DLGAP2: variants seen among roughly 807,000 people sequenced by gnomAD.
DLGAP2 encodes the protein disks large-associated protein 2.
DLGAP2 carries 26 observed loss-of-function variants against 100.3 expected under a neutral mutation model. The ratio of observed to expected loss-of-function variants is 0.26; its 90% CI spans 0.19 to 0.36. DLGAP2 has a LOEUF of 0.36. DLGAP2 is among the 10% of genes least tolerant of loss of function. DLGAP2 has a pLI of 1.00. For synonymous variants in DLGAP2, 886 were observed against 630.1 expected (o/e 1.41, Z -6.08); for missense variants, 1,858 against 1,453.2 (o/e 1.28, Z -4.53).
chr8:1,372,329 A>C (rs148902251), intron 3 of DLGAP2, among the ~76,000 whole-genome samples: 1 of 151,454 alleles, frequency 6.6e-6, no homozygotes, highest in Non-Finnish European at 1.5e-5. Flanking sequence ...TGCTGCCAAC[A>C]CTAGGACACT....
chr8:1,537,812 G>A (rs940226985), intron 4 of DLGAP2, among the ~76,000 whole-genome samples: 5 of 152,134 alleles, frequency 3.3e-5, no homozygotes, highest in Non-Finnish European at 4.4e-5. Flanking sequence ...GATGGATGGA[G>A]TAAATGTCAT....
chr8:1,354,238 G>A (rs574048949), intron 3 of DLGAP2, among the ~76,000 whole-genome samples: 2 of 152,328 alleles, frequency 1.3e-5, no homozygotes, highest in African/African-American at 4.8e-5. Context: ...AGGCACGGTG[G>A]CTCAAACCTG....
intron 3 of DLGAP2, among the ~76,000 whole-genome samples, chr8:1,307,095 G>A (rs1237611590): frequency 6.6e-6 from 1 of 151,984 alleles, no homozygotes; most frequent in Non-Finnish European, 1.5e-5. Context: ...TGAATGAAAG[G>A]GATGGAATGG....
At chr8:1,552,324 A>G (rs1801797661) in intron 5 of DLGAP2, among the ~76,000 whole-genome samples, 1 of 152,154 alleles carries the variant, frequency 6.6e-6, no homozygotes, top group Non-Finnish European at 1.5e-5. Context: ...AGCTTCCCCC[A>G]TCCCCACATC....
At chr8:996,322 A>G (rs1384390420) in intron 2 of DLGAP2, among the ~76,000 whole-genome samples, 2 of 152,194 alleles carry the variant, frequency 1.3e-5, no homozygotes, top group East Asian at 1.9e-4. Context: ...TAGAGACTAC[A>G]GAGCTCTTCT....
At chr8:1,357,996 C>T (rs1024976335) in intron 3 of DLGAP2, among the ~76,000 whole-genome samples, 1 of 152,172 alleles carries the variant, frequency 6.6e-6, no homozygotes. Flanking sequence ...AGAGCTGTCT[C>T]AGGACTCCTT....
At chr8:1,261,655 G>C (rs1799353144) in intron 3 of DLGAP2, among the ~76,000 whole-genome samples, 1 of 152,238 alleles carries the variant, frequency 6.6e-6, no homozygotes, top group Non-Finnish European at 1.5e-5. Flanking sequence ...CCGTGTTTCA[G>C]ATGTACGAGT....
At chr8:1,063,846 A>T (rs1302674399) in intron 2 of DLGAP2, among the ~76,000 whole-genome samples, 1 of 152,164 alleles carries the variant, frequency 6.6e-6, no homozygotes, top group Non-Finnish European at 1.5e-5. Flanking sequence ...TAGTGTTAAA[A>T]TGGTGTCTGT....
At position 1,624,736 on chromosome 8, in the gene DLGAP2, C is replaced by T. The variant is rs989429875; in HGVS notation, c.1443-2004C>T. Reference sequence around the variant, plus strand: ...TCCCCACATCTGCAGCAGAGCTGCCCGTCCCACTGCCCAGGTGCAGCGGGA... The same window carrying T: ...TCCCCACATCTGCAGCAGAGCTGCCTGTCCCACTGCCCAGGTGCAGCGGGA... On this transcript the variant is annotated intron_variant, in intron 6 of 14. Transcript: ENST00000637795. 3.9e-5 allele frequency among the ~76,000 whole-genome samples: 6 copies of T among 151,960 alleles called. No individual in the cohort carries two copies. In the East Asian group the frequency reaches 5.8e-4, roughly 15 times the overall value.
At chr8:1,103,310 C>T (rs1804646551) in intron 2 of DLGAP2, among the ~76,000 whole-genome samples, 1 of 152,110 alleles carries the variant, frequency 6.6e-6, no homozygotes, top group Non-Finnish European at 1.5e-5. Flanking sequence ...TTCTCAGAGT[C>T]GTATGGCCTT....
chr8:863,243 C>T (rs1361231314), intron 1 of DLGAP2, among the ~76,000 whole-genome samples: 1 of 152,186 alleles, frequency 6.6e-6, no homozygotes, highest in Non-Finnish European at 1.5e-5. Context: ...TCTGGACATG[C>T]TCTGCACCAG....
chr8:1,377,342 A>G (rs1004875169), intron 3 of DLGAP2, among the ~76,000 whole-genome samples: 3 of 152,260 alleles, frequency 2.0e-5, no homozygotes, highest in Non-Finnish European at 2.9e-5. Context: ...CAGGAGATCG[A>G]GACCATCCTG....
intron 2 of DLGAP2, among the ~76,000 whole-genome samples, chr8:1,251,822 G>A (rs906357310): frequency 2.0e-5 from 3 of 152,178 alleles, no homozygotes; most frequent in African/African-American, 4.8e-5. Flanking sequence ...ACTGTTGCAC[G>A]GCCATGTCCT....
chr8:1,324,681 T>A (rs1800980747), intron 3 of DLGAP2, among the ~76,000 whole-genome samples: 1 of 152,224 alleles, frequency 6.6e-6, no homozygotes, highest in South Asian at 2.1e-4. Context: ...TTGAGCCATG[T>A]CCTTTTCAGC....
In DLGAP2 at chr8:1,676,652, C is replaced by T. The variant is rs368932884; in HGVS notation, c.2288+34C>T. The T allele has an allele frequency of 4.2e-5, 67 of 1,582,926 alleles. 1 individual carries two copies. The highest frequency in any genetic ancestry group is 5.2e-5 in the Non-Finnish European group (61 of 1,163,718). On this transcript the variant is annotated intron_variant, in intron 11 of 14. Coordinates refer to ENST00000637795, the MANE Select transcript of DLGAP2 (RefSeq NM_001346810.2). ...GCCCCTCCTGACACGCGGTGACCCCCGAGCGAGGGCTCTTTGTCAAAGGCC... is the reference window on the plus strand; with the variant it reads ...GCCCCTCCTGACACGCGGTGACCCCTGAGCGAGGGCTCTTTGTCAAAGGCC...
At chr8:883,711 C>T (rs745867366) in intron 1 of DLGAP2, among the ~76,000 whole-genome samples, 1 of 151,862 alleles carries the variant, frequency 6.6e-6, no homozygotes, top group Non-Finnish European at 1.5e-5. Flanking sequence ...GCGTGTGCCG[C>T]GGCCGTTCGT....
intron 8 of DLGAP2, among the ~76,000 whole-genome samples, chr8:1,649,733 C>T (rs1249865513): frequency 3.9e-5 from 6 of 152,168 alleles, no homozygotes; most frequent in African/African-American, 1.2e-4. Flanking sequence ...TTCATCCTAA[C>T]ATAGGTATTA....
intron 3 of DLGAP2, among the ~76,000 whole-genome samples, chr8:1,391,274 G>C (rs1796345406): frequency 6.6e-6 from 1 of 152,206 alleles, no homozygotes; most frequent in Admixed American, 6.5e-5. Context: ...GGCATTCAAG[G>C]ATTTGCAACA....
intron 3 of DLGAP2, among the ~76,000 whole-genome samples, chr8:1,492,596 A>G (rs1799420838): frequency 6.6e-6 from 1 of 152,180 alleles, no homozygotes; most frequent in Non-Finnish European, 1.5e-5. Context: ...GGTGACTCCA[A>G]GAGCCGAGGC....
Sources: gnomAD v4.1 joint callset for allele counts (sites outside exome capture counted in the v4.1 genomes callset) on GRCh38, gnomAD v4.1.1 for gene constraint, MANE v1.5 for transcripts, NCBI Gene and HGNC (gene_info 2026-07-23, HGNC 2026-07-21) for gene names.